The following BCAT1 variants were observed in gnomAD, a reference collection of about 807,000 sequenced individuals.
BCAT1 encodes branched-chain-amino-acid aminotransferase, cytosolic.
In BCAT1, 48 loss-of-function variants were observed where a neutral mutation model predicts 52.4. The ratio of observed to expected loss-of-function variants is 0.92; its 90% CI spans 0.73 to 1.16. BCAT1 has a LOEUF of 1.16. Among genes scored for constraint, BCAT1 ranks in the 50% most tolerant of loss-of-function variants. BCAT1 has a pLI of 0.00. For synonymous variants in BCAT1, 167 were observed against 161.3 expected, an observed-to-expected ratio of 1.04 and a Z score of -0.27; for missense variants, 451 against 457.1, an observed-to-expected ratio of 0.99 and a Z score of 0.12.
At chr12:24,853,175 C>CACAGCCCTGTCCACAAT in intron 5 of BCAT1, among the ~76,000 whole-genome samples, 1 of 152,164 alleles carries the variant, frequency 6.6e-6, no homozygotes, top group Non-Finnish European at 1.5e-5. Flanking sequence ...CTGTCCACAA[C>CACAGCCCTGTCCACAAT]AACAAAGACA....
intron 1 of BCAT1, among the ~76,000 whole-genome samples, chr12:24,929,817 CCTTT>C (rs1943651674): frequency 6.6e-6 from 1 of 152,178 alleles, no homozygotes; most frequent in South Asian, 2.1e-4. Flanking sequence ...AATCATCTGG[CCTTT>C]CTTTGAGTCT....
intron 10 of BCAT1, among the ~76,000 whole-genome samples, chr12:24,825,802 G>A (rs569724619): frequency 2.0e-5 from 3 of 152,204 alleles, no homozygotes; most frequent in African/African-American, 7.2e-5. Context: ...CATTCTTTGG[G>A]TAATCTATTC....
intron 1 of BCAT1, among the ~76,000 whole-genome samples, chr12:24,933,324 C>T (rs915444874): frequency 1.3e-5 from 2 of 151,878 alleles, no homozygotes; most frequent in Admixed American, 1.3e-4. Context: ...TGTACTAATA[C>T]CACCATTTCA....
chr12:24,868,138 G>A (rs910837392), intron 5 of BCAT1, among the ~76,000 whole-genome samples: 2 of 152,154 alleles, frequency 1.3e-5, no homozygotes, highest in Admixed American at 6.5e-5. Context: ...CTCAGAAAAC[G>A]TACACCTCAA....
At chr12:24,933,959 T>G (rs1311510112) in intron 1 of BCAT1, among the ~76,000 whole-genome samples, 1 of 152,110 alleles carries the variant, frequency 6.6e-6, no homozygotes, top group Non-Finnish European at 1.5e-5. Flanking sequence ...TGCACATGAA[T>G]TCTCCTCTTG....
chr12:24,853,147 C>T (rs1164016054), intron 5 of BCAT1, among the ~76,000 whole-genome samples: 1 of 152,150 alleles, frequency 6.6e-6, no homozygotes, highest in Non-Finnish European at 1.5e-5. Flanking sequence ...TAACTGCACT[C>T]ATATGTTTAT....
intron 5 of BCAT1, among the ~76,000 whole-genome samples, chr12:24,869,355 T>A (rs979709355): frequency 6.6e-6 from 1 of 152,192 alleles, no homozygotes; most frequent in Non-Finnish European, 1.5e-5. Flanking sequence ...CCCCTCCTCT[T>A]CCTGGGTGGT....
chr12:24,859,552 C>T (rs796732257), intron 5 of BCAT1, among the ~76,000 whole-genome samples: 14 of 140,372 alleles, frequency 1.0e-4, no homozygotes, highest in African/African-American at 3.6e-4. Context: ...ACCCGGGAGA[C>T]GGAGCTTGCA....
rs530073899 is a variant in BCAT1 at position 24,817,638 on chromosome 12, C to A, written c.*370G>T. 9 of 171,674 alleles carry A rather than the reference C, an allele frequency of 5.2e-5. No homozygotes were observed. The highest frequency in any genetic ancestry group is 2.5e-3 in the Middle Eastern group (1 of 400). The allele number at this position is 171,674 out of a possible 1,614,324, so 10.6% of individuals were successfully genotyped here. On this transcript the variant is annotated 3_prime_UTR_variant, in exon 11 of 11. Coordinates refer to ENST00000261192, the MANE Select transcript of BCAT1 (RefSeq NM_005504.7). ...TCTCAAATTAGCTTTCAAACACACACAAAAAATTGCATTTGTTTGAGGAGC... is the reference window on the plus strand; with the variant it reads ...TCTCAAATTAGCTTTCAAACACACAAAAAAAATTGCATTTGTTTGAGGAGC...
intron 1 of BCAT1, among the ~76,000 whole-genome samples, chr12:24,927,916 C>T (rs1368628087): frequency 1.3e-5 from 2 of 152,168 alleles, no homozygotes; most frequent in East Asian, 1.9e-4. Context: ...TCACACTGAT[C>T]CTATTGAGTT....
intron 1 of BCAT1, among the ~76,000 whole-genome samples, chr12:24,923,086 G>A (rs1344204841): frequency 6.6e-6 from 1 of 152,116 alleles, no homozygotes; most frequent in Admixed American, 6.5e-5. Flanking sequence ...TTTATGTGGG[G>A]CTGTCATGTA....
chr12:24,858,577 C>T (rs1410029565), intron 5 of BCAT1, among the ~76,000 whole-genome samples: 1 of 152,174 alleles, frequency 6.6e-6, no homozygotes, highest in Non-Finnish European at 1.5e-5. Context: ...GCCATGCCCC[C>T]TAGCTATGCT....
chr12:24,835,577 T>G (rs565073634), intron 8 of BCAT1, among the ~76,000 whole-genome samples: 1 of 145,604 alleles, frequency 6.9e-6, no homozygotes, highest in African/African-American at 2.5e-5. Flanking sequence ...ATTTATTTAT[T>G]TATTTATTTA....
intron 3 of BCAT1, among the ~76,000 whole-genome samples, chr12:24,885,170 G>T (rs1461633943): frequency 1.3e-5 from 2 of 152,150 alleles, no homozygotes; most frequent in African/African-American, 4.8e-5. Flanking sequence ...TATGATTACA[G>T]AGATAGAGAA....
At chr12:24,833,383 G>A (rs2139388959) in intron 8 of BCAT1, among the ~76,000 whole-genome samples, 1 of 152,228 alleles carries the variant, frequency 6.6e-6, no homozygotes, top group South Asian at 2.1e-4. Flanking sequence ...GCCAGGCATG[G>A]TGGCGGGTGC....
Position 24,836,965 on chromosome 12 carries a change from G to GAAAAC in BCAT1, c.818-370_818-369insGTTTT, listed in dbSNP as rs1232612085. ...AAGAAAGAAAGAAAGAAAAGAGAAA[G>GAAAAC]AAAGAAAGAGAGAGAGGGAGGGAGG... On this transcript the variant is annotated intron_variant, in intron 7 of 10. Transcript: ENST00000261192. Among the ~76,000 whole-genome samples, 36 of 122,606 alleles carry GAAAAC rather than the reference G, an allele frequency of 2.9e-4. 1 individual carries two copies. Among genetic ancestry groups the GAAAAC allele is most frequent in the South Asian group, 7.9e-4 (3 of 3,808 alleles). The allele number at this position is 122,606 out of a possible 152,430, so 80.4% of individuals were successfully genotyped here. A position where few individuals can be genotyped will look rare whatever the true frequency, so the allele number is the denominator to read the frequency against.
intron 3 of BCAT1, among the ~76,000 whole-genome samples, chr12:24,889,622 G>A (rs1283046420): frequency 3.9e-5 from 6 of 152,184 alleles, no homozygotes; most frequent in Non-Finnish European, 8.8e-5. Context: ...ATAATGCTGG[G>A]TGTGTTAGGC....
At chr12:24,838,246 T>C (rs1941064351) in intron 7 of BCAT1, among the ~76,000 whole-genome samples, 1 of 152,224 alleles carries the variant, frequency 6.6e-6, no homozygotes, top group Non-Finnish European at 1.5e-5. Flanking sequence ...GCCCAGAGTG[T>C]ATATAATAAA....
intron 7 of BCAT1, among the ~76,000 whole-genome samples, chr12:24,838,777 C>T (rs1452139917): frequency 6.6e-6 from 1 of 152,180 alleles, no homozygotes; most frequent in African/African-American, 2.4e-5. Flanking sequence ...CACAAACATA[C>T]TTACAAGAGC....
Sources: allele counts gnomAD v4.1 joint callset (sites outside exome capture counted in the v4.1 genomes callset), GRCh38; gene constraint gnomAD v4.1.1; transcripts MANE v1.5; gene names NCBI Gene and HGNC (gene_info 2026-07-23, HGNC 2026-07-21).